The following PTCH1 variants were observed in gnomAD, a reference collection of about 807,000 sequenced individuals.
PTCH1 encodes protein patched homolog 1.
In PTCH1, 14 loss-of-function variants were observed where a neutral mutation model predicts 144.6. That is an observed-to-expected ratio of 0.10 (90% CI 0.06 to 0.15). PTCH1 has a LOEUF of 0.15. Among genes scored for constraint, PTCH1 ranks in the 10% least tolerant of loss-of-function variants. The pLI, the probability that PTCH1 is intolerant of heterozygous loss-of-function variation, is 1.00. For synonymous variants in PTCH1, 833 were observed against 793.6 expected, an observed-to-expected ratio of 1.05 and a Z score of -0.83; for missense variants, 1,623 against 1,948.3, an observed-to-expected ratio of 0.83 and a Z score of 3.14.
At chr9:95,506,006 G>C (rs1344587170) in intron 2 of PTCH1, among the ~76,000 whole-genome samples, 23 of 148,134 alleles carry the variant, frequency 1.6e-4, no homozygotes, top group Non-Finnish European at 2.9e-4. Flanking sequence ...GGGTGGGGGT[G>C]GGGGAGAGAA....
rs2118056983 is a variant in PTCH1, at chr9:95,469,100, T to G, written c.1901A>C (p.His634Pro). ...QVEPQAYTDT[H>P]DNTRYSPPPP... Reference sequence around the variant, plus strand: ...TGGGGGGCTGTAGCGGGTATTGTCGTGTGTGTCGGTGTAGGCCTGAGGTTC... The same window carrying G: ...TGGGGGGCTGTAGCGGGTATTGTCGGGTGTGTCGGTGTAGGCCTGAGGTTC... The change falls in exon 14 of 24, where the codon CAC becomes CCC. Residue 634 changes from histidine to proline, a missense_variant. Physicochemically the swap from His to Pro is moderately conservative, Grantham distance 77 (BLOSUM62 -2). Transcript: ENST00000331920. 1 of 1,613,964 alleles carries G rather than the reference T, an allele frequency of 6.2e-7. No individual in the cohort carries two copies. The highest frequency in any genetic ancestry group is 2.2e-5 in the East Asian group (1 of 44,878).
At chr9:95,504,398 C>T (rs970355161) in intron 2 of PTCH1, among the ~76,000 whole-genome samples, 8 of 152,196 alleles carry the variant, frequency 5.3e-5, no homozygotes, top group Non-Finnish European at 1.0e-4. Flanking sequence ...CAGAAATATG[C>T]AATGTTAAGA....
chr9:95,484,346 T>G (rs1186151548), intron 3 of PTCH1: 2 of 152,172 alleles, frequency 1.3e-5, no homozygotes, highest in African/African-American at 4.8e-5. Flanking sequence ...ATGTATCTGG[T>G]CTTGTTCTGG....
At chr9:95,466,959 A>G (rs965901814) in intron 15 of PTCH1, among the ~76,000 whole-genome samples, 157 bp downstream of exon 15, 2 of 152,248 alleles carry the variant, frequency 1.3e-5, no homozygotes, top group African/African-American at 4.8e-5. Flanking sequence ...GCTGCTGCAG[A>G]AACAGTTCAT....
chr9:95,478,206 C>T lies in PTCH1; in HGVS notation c.1216-20G>A, dbSNP rs747471269. 7 of 1,613,998 alleles carry T rather than the reference C, an allele frequency of 4.3e-6. No homozygotes were observed. The highest frequency in any genetic ancestry group is 3.3e-5 in the Admixed American group (2 of 60,002). Reference sequence around the variant, plus strand: ...AACCACCTGTGGTCACAACAGAATGCGAAATGCCCAAATGCAATGAACACT... The same window carrying T: ...AACCACCTGTGGTCACAACAGAATGTGAAATGCCCAAATGCAATGAACACT... On this transcript the variant is annotated intron_variant, in intron 8 of 23. Coordinates refer to ENST00000331920, the MANE Select transcript of PTCH1 (RefSeq NM_000264.5).
At chr9:95,450,389 A>G in intron 20 of PTCH1, 1 of 253,318 alleles carries the variant, frequency 3.9e-6, no homozygotes, top group Non-Finnish European at 7.7e-6. Context: ...AATTTAGCCC[A>G]GGAGGAAAAG....
At chr9:95,497,505 A>C (rs1241363643) in intron 2 of PTCH1, among the ~76,000 whole-genome samples, 1 of 152,192 alleles carries the variant, frequency 6.6e-6, no homozygotes, top group Non-Finnish European at 1.5e-5. Flanking sequence ...CAGGCTTGGA[A>C]GGTGCACCCA....
chr9:95,475,057 CA>C lies in PTCH1; in HGVS notation c.1728+976del, dbSNP rs1840907881. 2.0e-5 allele frequency among the ~76,000 whole-genome samples: 3 copies of C among 152,148 alleles called. No individual in the cohort carries two copies. In the South Asian group the frequency reaches 6.2e-4, roughly 32 times the overall value. ...ACAACATCTTGAGATATCAAAACTC[CA>C]GGCCACTTTGCGCTCAGGAAGACCA... is the stretch of plus-strand genomic sequence containing the variant. On this transcript the variant is annotated intron_variant, in intron 12 of 23. Coordinates refer to ENST00000331920, the MANE Select transcript of PTCH1 (RefSeq NM_000264.5).
chr9:95,460,115 G>C (rs543787693), intron 16 of PTCH1, among the ~76,000 whole-genome samples: 1 of 152,170 alleles, frequency 6.6e-6, no homozygotes, highest in Admixed American at 6.5e-5. Flanking sequence ...GGAGGGGAAG[G>C]GGGAGAAACC....
chr9:95,468,952 G>C lies in PTCH1; in HGVS notation c.2049C>G (p.Ser683=), dbSNP rs756242911. The change falls in exon 14 of 24, where the codon TCC becomes TCG. Residue 683 remains serine, a synonymous_variant. Transcript: ENST00000331920. ...HVYYTTAEPR[S]EISVQPVTVT... Reference sequence around the variant, plus strand: ...CGGTGACGGGCTGCACAGAGATCTCGGAGCGCGGCTCAGCGGTGGTGTAGT... The same window carrying C: ...CGGTGACGGGCTGCACAGAGATCTCCGAGCGCGGCTCAGCGGTGGTGTAGT... The C allele has an allele frequency of 6.2e-7, 1 of 1,614,160 alleles. No individual in the cohort carries two copies. The highest frequency in any genetic ancestry group is 1.7e-5 in the Admixed American group (1 of 60,030).
rs373379230 is a variant in PTCH1 at position 95,491,083 on chromosome 9, A to G, written c.395-5209T>C. 4.3e-4 allele frequency among the ~76,000 whole-genome samples: 65 copies of G among 152,336 alleles called. No individual in the cohort carries two copies. The South Asian group carries it at 0.011, about 25-fold the overall frequency. On this transcript the variant is annotated intron_variant, in intron 2 of 23. Transcript: ENST00000331920. ...CTGAAGTCCTTTTATATTAACAATA[A>G]AATAACAACCCCTCTGAACAAGACT...
chr9:95,507,517 T>A, intron 1 of PTCH1: 1 of 892,934 alleles, frequency 1.1e-6, no homozygotes, highest in Non-Finnish European at 1.3e-6. Context: ...GTTTACAACT[T>A]TTCCTCCCCC....
intron 2 of PTCH1, among the ~76,000 whole-genome samples, chr9:95,490,729 G>C (rs1000413965): frequency 6.6e-6 from 1 of 152,036 alleles, no homozygotes; most frequent in African/African-American, 2.4e-5. Context: ...GAATGAGAGG[G>C]GAAATGAAGA....
chr9:95,484,956 A>G (rs941253421), intron 3 of PTCH1, among the ~76,000 whole-genome samples: 6 of 152,170 alleles, frequency 3.9e-5, no homozygotes, highest in Admixed American at 2.0e-4. Flanking sequence ...TTGTAACCCC[A>G]GCACTTTGGG....
chr9:95,467,507 C>T, intron 14 of PTCH1, 82 bp from the exon 15 acceptor site: 2 of 1,416,552 alleles, frequency 1.4e-6, no homozygotes, highest in Admixed American at 3.8e-5. Flanking sequence ...CTAGTTAATA[C>T]CTTGTTTTCA....
At chr9:95,496,766 G>A (rs1587665551) in intron 2 of PTCH1, among the ~76,000 whole-genome samples, 2 of 151,910 alleles carry the variant, frequency 1.3e-5, no homozygotes, top group Admixed American at 6.6e-5. Context: ...AATCTCATGA[G>A]GAAAATAAAG....
In PTCH1 at chr9:95,508,305, G is replaced by A. The variant is rs1225887272; in HGVS notation, c.57C>T (p.Gly19=). 3 of 1,407,984 alleles carry A rather than the reference G, an allele frequency of 2.1e-6. No individual in the cohort carries two copies. Among genetic ancestry groups the A allele is most frequent in the Non-Finnish European group, 9.2e-7 (1 of 1,087,828 alleles). 87.2% of individuals were successfully genotyped at this position (1,407,984 alleles called of 1,614,324 possible). A position where few individuals can be genotyped will look rare whatever the true frequency, so the allele number is the denominator to read the frequency against. ...CCGGCCGTCCCGGGGCACCGATACAGCCGCTGCCGCCGCCGCCGCGGTCCT... is the reference window on the plus strand; with the variant it reads ...CCGGCCGTCCCGGGGCACCGATACAACCGCTGCCGCCGCCGCCGCGGTCCT... ...EPQDRGGGGS[G]CIGAPGRPAG... is the part of the protein sequence containing the mutation. Residue 19 remains glycine, a synonymous_variant, in exon 1 of 24, where the codon GGC becomes GGT. Coordinates refer to ENST00000331920, the MANE Select transcript of PTCH1 (RefSeq NM_000264.5).
intron 14 of PTCH1, among the ~76,000 whole-genome samples, chr9:95,467,919 G>A (rs1840166145): frequency 6.6e-6 from 1 of 150,470 alleles, no homozygotes; most frequent in African/African-American, 2.4e-5. Context: ...GTTTTGTTAT[G>A]TATCTGAGTT....
chr9:95,461,883 G>C lies in PTCH1; in HGVS notation c.2676C>G (p.Ser892Arg), dbSNP rs1427672162. 6.2e-6 allele frequency: 10 copies of C among 1,614,128 alleles called. No homozygotes were observed. The highest frequency in any genetic ancestry group is 6.8e-6 in the Non-Finnish European group (8 of 1,180,048). ...LAYKLLVQTG[S>R]RDKPIDISQL... ...GGCTGATGTCGATGGGCTTATCGCG[G>C]CTGCCGGTTTGCACCAGGAGTTTGT... The change falls in exon 16 of 24, where the codon AGC (serine) becomes AGG (arginine). Residue 892 changes from serine (S) to arginine (R), a missense_variant. This residue lies in a region of PTCH1 where 504 missense variants were observed against 679.3 expected (regional missense o/e 0.74). Transcript: ENST00000331920.
Sources: gnomAD v4.1 joint callset for allele counts (sites outside exome capture counted in the v4.1 genomes callset) on GRCh38, gnomAD v4.1.1 for gene constraint, gnomAD v4.1.1 regional missense constraint, MANE v1.5 for transcripts, NCBI Gene and HGNC (gene_info 2026-07-23, HGNC 2026-07-21) for gene names.